The following SSPN variants were observed in gnomAD, a reference collection of about 807,000 sequenced individuals.
The protein encoded by SSPN is K-ras oncogene-associated protein.
A neutral mutation model predicts 19.1 loss-of-function variants in SSPN; 15 were observed. The observed-to-expected ratio is 0.78, with a 90% CI of 0.52 to 1.21. The LOEUF is 1.21. SSPN is among the 50% of genes most tolerant of loss of function. The pLI, the probability that SSPN is intolerant of heterozygous loss-of-function variation, is 0.00. For synonymous variants in SSPN, 147 were observed against 140.3 expected, an observed-to-expected ratio of 1.05 and a Z score of -0.34; for missense variants, 291 against 314.0, an observed-to-expected ratio of 0.93 and a Z score of 0.55.
Position 26,230,988 on chromosome 12 carries a change from T to C in SSPN, c.644T>C (p.Val215Ala). The change falls in exon 3 of 3, where the codon GTG (valine) becomes GCG (alanine). Residue 215 changes from valine (V) to alanine (A), a missense_variant. Coordinates refer to ENST00000242729, the MANE Select transcript of SSPN (RefSeq NM_005086.5). Reference sequence around the variant, plus strand: ...CTTGTGTGCTTGTTGGCCTGCTTTGTGATGTGGAAACATAGGTACCAGGTC... The same window carrying C: ...CTTGTGTGCTTGTTGGCCTGCTTTGCGATGTGGAAACATAGGTACCAGGTC... ...CGLVCLLACF[V>A]MWKHRYQVFY... 1 of 1,614,200 alleles carries C rather than the reference T, an allele frequency of 6.2e-7. No homozygotes were observed.
chr12:26,124,834 C>G (rs1591840183), intron 1 of SSPN: 1 of 1,576,988 alleles, frequency 6.3e-7, no homozygotes, highest in Non-Finnish European at 8.7e-7. Context: ...GTACAATAAT[C>G]TGTGGGACGG....
intron 1 of SSPN, among the ~76,000 whole-genome samples, chr12:26,175,936 A>G (rs1290105277): frequency 4.6e-5 from 7 of 152,000 alleles, no homozygotes; most frequent in African/African-American, 1.7e-4. Context: ...TCCAAGGTGC[A>G]AGCAATTCTC....
intron 1 of SSPN, among the ~76,000 whole-genome samples, chr12:26,183,895 G>A (rs1371101620): frequency 6.6e-6 from 1 of 152,174 alleles, no homozygotes; most frequent in Admixed American, 6.5e-5. Context: ...ACTTTCGATG[G>A]CAACATGAAA....
Position 26,137,297 on chromosome 12 carries a change from C to T in SSPN, c.-31+15145C>T, listed in dbSNP as rs533376983. On this transcript the variant is annotated intron_variant, in intron 1 of 2. Coordinates refer to the SSPN transcript ENST00000538142. ...CCATAATCTTGACTGCCTGTGTGCA[C>T]AATGGCCTCCCAAAAACCCAGACAA... Among the ~76,000 whole-genome samples, 8 of 152,302 alleles carry T rather than the reference C, an allele frequency of 5.3e-5. No individual in the cohort carries two copies. In the South Asian group the frequency reaches 1.2e-3, roughly 24 times the overall value.
intron 1 of SSPN, among the ~76,000 whole-genome samples, chr12:26,166,328 TG>T (rs1479350760): frequency 1.0e-4 from 16 of 152,384 alleles, no homozygotes; most frequent in African/African-American, 3.8e-4. Context: ...GTAGTTCTTT[TG>T]CATAGTCCCT....
intron 1 of SSPN, among the ~76,000 whole-genome samples, chr12:26,136,346 G>A (rs1369757840): frequency 6.6e-6 from 1 of 152,176 alleles, no homozygotes; most frequent in Non-Finnish European, 1.5e-5. Flanking sequence ...GGCAGAGTTG[G>A]TATGGACTTA....
At position 26,195,644 on chromosome 12, in the gene SSPN, C is replaced by CCT; in HGVS notation, c.-28_-27insTC. The CCT allele has an allele frequency of 7.5e-6, 1 of 133,494 alleles. No individual in the cohort carries two copies. Among genetic ancestry groups the CCT allele is most frequent in the Non-Finnish European group, 1.0e-5 (1 of 96,858 alleles). 8.3% of individuals were successfully genotyped at this position (133,494 alleles called of 1,614,324 possible). A position where few individuals can be genotyped will look rare whatever the true frequency, so the allele number is the denominator to read the frequency against. On this transcript the variant is annotated 5_prime_UTR_variant, in exon 1 of 3. Transcript: ENST00000242729. ...CAGGGCCCAGGGCGCCGCACACGCACCCACCCACCCACCCAGCCTCGCAGC... is the reference window on the plus strand; with the variant it reads ...CAGGGCCCAGGGCGCCGCACACGCACCTCCACCCACCCACCCAGCCTCGCAGC...
exon 1 of SSPN, chr12:26,121,995 T>C: frequency 6.5e-7 from 1 of 1,543,002 alleles, no homozygotes. Context: ...CTTCTCACTC[T>C]GCTTGAACCT....
chr12:26,185,715 C>T (rs1322411200), intron 1 of SSPN, among the ~76,000 whole-genome samples: 2 of 152,174 alleles, frequency 1.3e-5, no homozygotes, highest in Non-Finnish European at 2.9e-5. Flanking sequence ...TGAGTGACCA[C>T]CTGCCGTGCC....
chr12:26,137,550 C>A (rs1302717125), intron 1 of SSPN, among the ~76,000 whole-genome samples: 1 of 147,848 alleles, frequency 6.8e-6, no homozygotes, highest in Non-Finnish European at 1.5e-5. Context: ...ACTAGTATTT[C>A]TGACACATAG....
chr12:26,224,877 C>T (rs1317270212), intron 2 of SSPN, among the ~76,000 whole-genome samples: 1 of 151,912 alleles, frequency 6.6e-6, no homozygotes, highest in Non-Finnish European at 1.5e-5. Context: ...GTTTGGCAAG[C>T]GTGTGTGTCT....
chr12:26,198,944 G>A (rs1944854268), intron 1 of SSPN, among the ~76,000 whole-genome samples: 1 of 152,212 alleles, frequency 6.6e-6, no homozygotes, highest in Non-Finnish European at 1.5e-5. Context: ...CTGAGGCTGA[G>A]TCACACTGGC....
intron 1 of SSPN, among the ~76,000 whole-genome samples, chr12:26,207,606 A>G (rs897443277): frequency 1.1e-4 from 16 of 152,274 alleles, no homozygotes; most frequent in Non-Finnish European, 1.6e-4. Flanking sequence ...AGATGGTATC[A>G]TATCATTTCT....
chr12:26,136,269 G>A (rs1248391015), intron 1 of SSPN, among the ~76,000 whole-genome samples: 2 of 152,154 alleles, frequency 1.3e-5, no homozygotes, highest in African/African-American at 2.4e-5. Flanking sequence ...GGTATCCACC[G>A]GAGGTCCTGG....
At chr12:26,204,514 T>A (rs1434842704) in intron 1 of SSPN, among the ~76,000 whole-genome samples, 1 of 23,426 alleles carries the variant, frequency 4.3e-5, no homozygotes, top group East Asian at 1.3e-3. Context: ...ATACTTTGGC[T>A]TCTGATGCAA....
upstream of SSPN, among the ~76,000 whole-genome samples, chr12:26,193,526 G>T (rs1159628220): frequency 6.6e-6 from 1 of 152,144 alleles, no homozygotes. Context: ...GTAGTCAATT[G>T]ACTTTCTATA....
At chr12:26,201,851 G>A (rs1450258399) in intron 1 of SSPN, among the ~76,000 whole-genome samples, 1 of 152,032 alleles carries the variant, frequency 6.6e-6, no homozygotes, top group Non-Finnish European at 1.5e-5. Context: ...ACACATAATG[G>A]ATAATTAATA....
intron 1 of SSPN, among the ~76,000 whole-genome samples, chr12:26,147,570 C>A (rs1944500464): frequency 6.6e-6 from 1 of 152,086 alleles, no homozygotes; most frequent in Non-Finnish European, 1.5e-5. Context: ...CACGCCCAGC[C>A]CAGCAATAAT....
At chr12:26,201,410 C>T (rs1343873542) in intron 1 of SSPN, among the ~76,000 whole-genome samples, 4 of 151,056 alleles carry the variant, frequency 2.6e-5, no homozygotes, top group African/African-American at 7.3e-5. Context: ...GCGAATTTGG[C>T]GAAATGTTTC....
Sources: allele counts gnomAD v4.1 joint callset (sites outside exome capture counted in the v4.1 genomes callset), GRCh38; gene constraint gnomAD v4.1.1; transcripts MANE v1.5; gene names NCBI Gene and HGNC (gene_info 2026-07-23, HGNC 2026-07-21).